ZMYM2: variants seen among roughly 807,000 people sequenced by gnomAD.
ZMYM2 encodes zinc finger MYM-type protein 2.
ZMYM2 carries 56 observed loss-of-function variants against 162.8 expected under a neutral mutation model. The observed-to-expected ratio is 0.34, with a 90% confidence interval of 0.28 to 0.43. The LOEUF (loss-of-function observed/expected upper bound fraction) is 0.43, where lower values mean the gene tolerates loss of function less well. ZMYM2 is among the 20% of genes least tolerant of loss of function. ZMYM2 has a pLI of 1.00. For missense variants in ZMYM2, 1,275 were observed against 1,621.8 expected, an observed-to-expected ratio of 0.79 and a Z score of 3.67; for synonymous variants, 510 against 541.6, an observed-to-expected ratio of 0.94 and a Z score of 0.81.
chr13:19,909,723 G>A, the ZMYM2 span, among the ~76,000 whole-genome samples: 1 of 151,640 alleles, frequency 6.6e-6, no homozygotes, highest in Admixed American at 6.6e-5. Flanking sequence ...ATGAGCCACC[G>A]TGCTCAGCTA....
chr13:20,003,305 T>C (rs1950519516), intron 4 of ZMYM2, among the ~76,000 whole-genome samples, 170 bp downstream of exon 4: 1 of 152,198 alleles, frequency 6.6e-6, no homozygotes. Context: ...TTTAGATAGG[T>C]CCTTATAATT....
chr13:19,989,380 T>G (rs1467119787), intron 2 of ZMYM2, among the ~76,000 whole-genome samples: 6 of 152,198 alleles, frequency 3.9e-5, no homozygotes, highest in African/African-American at 1.2e-4. Context: ...CTCTGCTCCC[T>G]GCAACCTCCA....
chr13:19,869,955 A>G, the ZMYM2 span, among the ~76,000 whole-genome samples: 2 of 152,188 alleles, frequency 1.3e-5, no homozygotes, highest in Admixed American at 1.3e-4. Context: ...CTGTTATTGT[A>G]GGTCAAGAAC....
At chr13:19,937,102 TA>T in the ZMYM2 span, among the ~76,000 whole-genome samples, 7 of 151,974 alleles carry the variant, frequency 4.6e-5, no homozygotes, top group East Asian at 5.8e-4. Flanking sequence ...ATCAACCTCT[TA>T]AAAAAAATTT....
In ZMYM2 at chr13:19,982,123, T is replaced by C. The variant is rs373380871; in HGVS notation, c.-10-10940T>C. 1.4e-4 allele frequency among the ~76,000 whole-genome samples: 21 copies of C among 152,258 alleles called. No individual in the cohort carries two copies. The South Asian group carries it at 3.9e-3, about 29-fold the overall frequency. On this transcript the variant is annotated intron_variant, in intron 2 of 24. Coordinates refer to ENST00000610343, the MANE Select transcript of ZMYM2 (RefSeq NM_197968.4). ...TTTTATACCTCAGATTCAACTGAAA[T>C]AAAGAGCTTGCACCTGAACTGTGCC...
chr13:20,081,993 TG>T, intron 21 of ZMYM2, 22 bp from the exon 22 acceptor site: 1 of 1,350,024 alleles, frequency 7.4e-7, no homozygotes, highest in South Asian at 1.4e-5. Flanking sequence ...AGAAAGTTTG[TG>T]GGGCTTTTTT....
chr13:20,026,580 TA>T, intron 7 of ZMYM2, 31 bp from the exon 8 acceptor site: 1 of 1,562,244 alleles, frequency 6.4e-7, no homozygotes, highest in Non-Finnish European at 8.6e-7. Flanking sequence ...GTTGTAGTCT[TA>T]AAAATTATCT....
chr13:19,956,828 G>C (rs1273324019), upstream of ZMYM2, among the ~76,000 whole-genome samples: 1 of 152,190 alleles, frequency 6.6e-6, no homozygotes, highest in African/African-American at 2.4e-5. Context: ...CCTGGCAGCA[G>C]AAAAGGAATG....
the ZMYM2 span, among the ~76,000 whole-genome samples, chr13:19,925,583 G>A: frequency 0.015 from 2,310 of 152,036 alleles, 59 homozygotes; most frequent in African/African-American, 0.053. Context: ...TATCAAAGGT[G>A]TAATACTGGC....
chr13:20,007,457 A>G (rs539142588), intron 6 of ZMYM2, among the ~76,000 whole-genome samples: 2 of 151,526 alleles, frequency 1.3e-5, no homozygotes, highest in South Asian at 4.2e-4. Context: ...TATTTTAAGG[A>G]CTTTTTGATT....
the ZMYM2 span, among the ~76,000 whole-genome samples, chr13:19,885,104 C>G: frequency 4.6e-5 from 7 of 152,138 alleles, no homozygotes; most frequent in African/African-American, 1.7e-4. Context: ...TCCAAGTCCC[C>G]ACCCGACCCA....
At chr13:19,872,248 A>C in the ZMYM2 span, among the ~76,000 whole-genome samples, 1 of 151,852 alleles carries the variant, frequency 6.6e-6, no homozygotes, top group African/African-American at 2.4e-5. Context: ...TTTGTTTATT[A>C]ATTTTAAAAG....
the ZMYM2 span, among the ~76,000 whole-genome samples, chr13:19,936,969 G>A: frequency 6.7e-6 from 1 of 150,256 alleles, no homozygotes; most frequent in Non-Finnish European, 1.5e-5. Flanking sequence ...TTTTCATTTG[G>A]AGAATGTTAT....
At chr13:20,013,865 T>C (rs533379315) in intron 6 of ZMYM2, among the ~76,000 whole-genome samples, 1 of 152,324 alleles carries the variant, frequency 6.6e-6, no homozygotes, top group East Asian at 1.9e-4. Flanking sequence ...TATATTCTTG[T>C]GGGATACTGG....
the ZMYM2 span, among the ~76,000 whole-genome samples, chr13:19,906,411 C>T: frequency 3.6e-5 from 5 of 137,312 alleles, no homozygotes; most frequent in African/African-American, 8.1e-5. Flanking sequence ...ATATATATGC[C>T]GTTTGCTAGC....
At chr13:19,997,976 T>A (rs937285618) in intron 3 of ZMYM2, among the ~76,000 whole-genome samples, 2 of 152,200 alleles carry the variant, frequency 1.3e-5, no homozygotes, top group Non-Finnish European at 2.9e-5. Flanking sequence ...GATACTTACT[T>A]CTTTAGGAAT....
chr13:19,873,380 T>TTTTATTTATTTATTTA, the ZMYM2 span, among the ~76,000 whole-genome samples: 137 of 136,952 alleles, frequency 1.0e-3, 1 homozygote, highest in South Asian at 2.7e-3. Context: ...ACAGAGTCAA[T>TTTTATTTATTTATTTA]TTTATTTATT....
rs557752026 is a variant in ZMYM2, at chr13:19,988,270, A to G, written c.-10-4793A>G. On this transcript the variant is annotated intron_variant, in intron 2 of 24. Coordinates refer to ENST00000610343, the MANE Select transcript of ZMYM2 (RefSeq NM_197968.4). ...AGTGGTAGAACAGTGCTCTTCTGAC[A>G]CTAGAACTTGGTTTATGGTCAGAGA... is the stretch of plus-strand genomic sequence containing the variant. Among the ~76,000 whole-genome samples the G allele has an allele frequency of 3.3e-5, 5 of 152,332 alleles. No individual in the cohort carries two copies. The South Asian group carries it at 1.0e-3, about 32-fold the overall frequency.
intron 2 of ZMYM2, among the ~76,000 whole-genome samples, chr13:19,990,162 C>T (rs762524561): frequency 8.5e-5 from 13 of 152,310 alleles, no homozygotes; most frequent in Middle Eastern, 3.4e-3. Context: ...AGAATTAATG[C>T]TTTCTAAGCT....
Sources: allele counts gnomAD v4.1 joint callset (sites outside exome capture counted in the v4.1 genomes callset), GRCh38; gene constraint gnomAD v4.1.1; transcripts MANE v1.5; gene names NCBI Gene and HGNC (gene_info 2026-07-23, HGNC 2026-07-21).